Variants in FHIT observed in about 807,000 individuals in gnomAD.
FHIT encodes the protein fragile histidine triad diadenosine triphosphatase, also known as bis(5'-adenosyl)-triphosphatase.
A neutral mutation model predicts 17.9 loss-of-function variants in FHIT; 19 were observed. The ratio of observed to expected loss-of-function variants is 1.06; its 90% confidence interval spans 0.74 to 1.56. FHIT has a LOEUF of 1.56. Among genes scored for constraint, FHIT ranks in the 40% most tolerant of loss-of-function variants. The pLI is 0.00. For missense variants in FHIT, 248 were observed against 189.2 expected (o/e 1.31, Z -1.82); for synonymous variants, 81 against 69.7 (o/e 1.16, Z -0.81).
intron 5 of FHIT, among the ~76,000 whole-genome samples, chr3:60,054,918 T>C (rs1384223982): frequency 2.0e-5 from 3 of 152,134 alleles, no homozygotes; most frequent in African/African-American, 7.2e-5. Flanking sequence ...ACATTTTACA[T>C]TAAGAAATTA....
intron 5 of FHIT, among the ~76,000 whole-genome samples, chr3:60,416,366 C>T (rs971278612): frequency 2.6e-5 from 4 of 151,974 alleles, no homozygotes; most frequent in African/African-American, 7.2e-5. Context: ...CTATTTTTTC[C>T]TATTGATTCT....
chr3:60,795,265 G>C (rs1254350312), intron 4 of FHIT, among the ~76,000 whole-genome samples: 1 of 152,118 alleles, frequency 6.6e-6, no homozygotes, highest in African/African-American at 2.4e-5. Context: ...TCAGTTCCTT[G>C]AAATGCAAAA....
chr3:60,602,678 A>G (rs2038483231), intron 4 of FHIT, among the ~76,000 whole-genome samples: 3 of 152,150 alleles, frequency 2.0e-5, no homozygotes, highest in Non-Finnish European at 4.4e-5. Context: ...AAACAGAATG[A>G]GGATGTTATG....
chr3:60,288,696 T>TA (rs527867350), intron 5 of FHIT, among the ~76,000 whole-genome samples: 5 of 151,268 alleles, frequency 3.3e-5, no homozygotes, highest in Non-Finnish European at 7.4e-5. Flanking sequence ...ATCATACTTT[T>TA]AAAAAAAAGT....
intron 4 of FHIT, among the ~76,000 whole-genome samples, chr3:60,753,734 A>G (rs1189414099): frequency 6.6e-6 from 1 of 152,224 alleles, no homozygotes; most frequent in Non-Finnish European, 1.5e-5. Flanking sequence ...AAAAGAAGAA[A>G]GTAAAATTGA....
intron 5 of FHIT, among the ~76,000 whole-genome samples, chr3:60,478,421 G>A (rs887150935): frequency 1.3e-5 from 2 of 152,208 alleles, no homozygotes; most frequent in Admixed American, 6.5e-5. Flanking sequence ...TGAAAACAAA[G>A]TAGGCTTTGA....
rs371733189 is a variant in FHIT at position 60,912,467 on chromosome 3, G to T, written c.-110-90456C>A. On this transcript the variant is annotated intron_variant, in intron 3 of 9. Coordinates refer to ENST00000492590, the MANE Select transcript of FHIT (RefSeq NM_002012.4). Reference sequence around the variant, plus strand: ...TGAGAAAATGTTATATAAAGGTGAGGAGTGGCAGAATATGCCACCCCAAAA... The same window carrying T: ...TGAGAAAATGTTATATAAAGGTGAGTAGTGGCAGAATATGCCACCCCAAAA... Among the ~76,000 whole-genome samples the T allele has an allele frequency of 4.7e-4, 72 of 152,250 alleles. 2 individuals are homozygous for T. In the East Asian group the frequency reaches 0.011, roughly 22 times the overall value.
intron 8 of FHIT, among the ~76,000 whole-genome samples, chr3:59,889,504 G>A (rs59843181): frequency 0.031 from 4,759 of 152,216 alleles, 239 homozygotes; most frequent in African/African-American, 0.11. Flanking sequence ...CCTTAGCATG[G>A]TCTCTGACTC....
intron 3 of FHIT, 139 bp downstream of exon 3, chr3:61,041,908 G>C (rs545012795): frequency 2.0e-5 from 3 of 152,288 alleles, no homozygotes; most frequent in African/African-American, 7.2e-5. Context: ...TGTGAGAACT[G>C]AAGGCTGTTT....
At chr3:60,632,120 C>T (rs1172126708) in intron 4 of FHIT, among the ~76,000 whole-genome samples, 1 of 151,172 alleles carries the variant, frequency 6.6e-6, no homozygotes, top group Admixed American at 6.6e-5. Context: ...TTAATTGCAA[C>T]TACTAAGTTT....
At chr3:60,802,508 A>G (rs1158637205) in intron 4 of FHIT, among the ~76,000 whole-genome samples, 1 of 152,212 alleles carries the variant, frequency 6.6e-6, no homozygotes, top group African/African-American at 2.4e-5. Flanking sequence ...AAACTGCAAA[A>G]TGTGTAGTTT....
intron 7 of FHIT, among the ~76,000 whole-genome samples, chr3:60,009,165 ATGTGTGTGTGTGTGTG>A (rs753809976): frequency 0.013 from 683 of 54,100 alleles, 5 homozygotes; most frequent in Middle Eastern, 0.022. Flanking sequence ...CTGGGATTTT[ATGTGTGTGTGTGTGTG>A]TGTGTGTGTG....
chr3:60,577,997 T>C (rs566026370), intron 4 of FHIT, among the ~76,000 whole-genome samples: 44 of 152,276 alleles, frequency 2.9e-4, no homozygotes, highest in African/African-American at 1.0e-3. Context: ...TTCACTCACT[T>C]TGTGTAGCTC....
chr3:60,444,203 G>A (rs1026566700), intron 5 of FHIT, among the ~76,000 whole-genome samples: 3 of 152,178 alleles, frequency 2.0e-5, no homozygotes, highest in Non-Finnish European at 4.4e-5. Flanking sequence ...AACAGGTGCT[G>A]GAGAGGATGT....
intron 5 of FHIT, among the ~76,000 whole-genome samples, chr3:60,044,864 C>T (rs368604764): frequency 6.6e-6 from 1 of 152,164 alleles, no homozygotes; most frequent in African/African-American, 2.4e-5. Flanking sequence ...TGTCCCCATG[C>T]CAAGCCCTGT....
At chr3:60,090,318 G>A (rs780182908) in intron 5 of FHIT, among the ~76,000 whole-genome samples, 1 of 152,122 alleles carries the variant, frequency 6.6e-6, no homozygotes, top group African/African-American at 2.4e-5. Context: ...ACCCATCACT[G>A]GAGAAATTAC....
rs1257053013 is a variant in FHIT, at chr3:59,789,206, G to T, written c.349-36885C>A. On this transcript the variant is annotated intron_variant, in intron 8 of 9. Transcript: ENST00000492590. ...ACTTTTTAAAGCCCAGATAGTAGGGGCATTTCATTCTGCACAATTAATGTC... is the reference window on the plus strand; with the variant it reads ...ACTTTTTAAAGCCCAGATAGTAGGGTCATTTCATTCTGCACAATTAATGTC... Among the ~76,000 whole-genome samples the T allele has an allele frequency of 3.3e-5, 5 of 152,266 alleles. No individual in the cohort carries two copies. The East Asian group carries it at 9.6e-4, about 29-fold the overall frequency.
intron 3 of FHIT, among the ~76,000 whole-genome samples, chr3:60,952,925 A>C (rs1559859900): frequency 6.6e-6 from 1 of 152,192 alleles, no homozygotes; most frequent in Non-Finnish European, 1.5e-5. Flanking sequence ...TTTCCTTATG[A>C]GGTATCTCAT....
At chr3:59,944,877 A>G (rs1575740659) in intron 7 of FHIT, among the ~76,000 whole-genome samples, 2 of 152,156 alleles carry the variant, frequency 1.3e-5, no homozygotes, top group African/African-American at 2.4e-5. Flanking sequence ...TTGTGGCTGC[A>G]TAGTACTCCA....
Sources: allele counts gnomAD v4.1 joint callset (sites outside exome capture counted in the v4.1 genomes callset), GRCh38; gene constraint gnomAD v4.1.1; transcripts MANE v1.5; gene names NCBI Gene and HGNC (gene_info 2026-07-23, HGNC 2026-07-21).